The following CD2AP variants were observed in gnomAD, a reference collection of about 807,000 sequenced individuals.
CD2AP encodes CD2 associated protein.
In CD2AP, 46 loss-of-function variants were observed where a neutral mutation model predicts 85.1. That is an observed-to-expected ratio of 0.54 (90% CI 0.43 to 0.69). The LOEUF is 0.69. Ranked by LOEUF, CD2AP falls within the 30% of genes least tolerant of loss-of-function variation. CD2AP has a pLI of 0.00. For synonymous variants in CD2AP, 255 were observed against 252.9 expected (o/e 1.01, Z -0.08); for missense variants, 769 against 729.5 (o/e 1.05, Z -0.62).
chr6:47,570,075 T>G (rs1339592184), intron 5 of CD2AP, among the ~76,000 whole-genome samples: 1 of 152,196 alleles, frequency 6.6e-6, no homozygotes, highest in Non-Finnish European at 1.5e-5. Flanking sequence ...AGAATAATGG[T>G]GAAAGATGAC....
chr6:47,505,011 C>CTTTTTTTTTTTTTT (rs58060161), intron 2 of CD2AP, among the ~76,000 whole-genome samples: 19 of 95,106 alleles, frequency 2.0e-4, no homozygotes, highest in Middle Eastern at 6.5e-3. Flanking sequence ...GTGGCAGTTT[C>CTTTTTTTTTTTTTT]TTTTTTTTTT....
chr6:47,614,808 A>G (rs768396110), intron 17 of CD2AP, among the ~76,000 whole-genome samples: 15 of 152,050 alleles, frequency 9.9e-5, no homozygotes, highest in Admixed American at 3.3e-4. Flanking sequence ...CAGTTAAGCT[A>G]TTTTCATTCT....
Position 47,610,971 on chromosome 6 carries a change from A to ATATATATATATATATATATATT in CD2AP, c.1815-1501_1815-1500insATATATATATATATATATATTT. Among the ~76,000 whole-genome samples the ATATATATATATATATATATATT allele has an allele frequency of 1.5e-3, 169 of 112,808 alleles. 1 individual carries two copies. The highest frequency in any genetic ancestry group is 2.3e-3 in the South Asian group (8 of 3,516). 74.0% of individuals were successfully genotyped at this position (112,808 alleles called of 152,430 possible). A position where few individuals can be genotyped will look rare whatever the true frequency, so the allele number is the denominator to read the frequency against. On this transcript the variant is annotated intron_variant, in intron 16 of 17. Coordinates refer to ENST00000359314, the MANE Select transcript of CD2AP (RefSeq NM_012120.3). ...GATTTATATATATATATATATATGT[A>ATATATATATATATATATATATT]TTTTTTTTTTTTTTTGAATATAAAA...
At chr6:47,583,595 G>T (rs1212824904) in intron 11 of CD2AP, among the ~76,000 whole-genome samples, 1 of 152,108 alleles carries the variant, frequency 6.6e-6, no homozygotes, top group Non-Finnish European at 1.5e-5. Context: ...TCATGGCTTG[G>T]GAGGCATATG....
At chr6:47,531,617 A>G (rs537416008) in intron 2 of CD2AP, among the ~76,000 whole-genome samples, 1 of 151,770 alleles carries the variant, frequency 6.6e-6, no homozygotes, top group East Asian at 2.0e-4. Flanking sequence ...CACAACTCTC[A>G]AATTTTGGAA....
At position 47,626,821 on chromosome 6, in the gene CD2AP, T is replaced by C. The variant is rs1489956729; in HGVS notation, c.*2594T>C. 6.6e-6 allele frequency: 1 copy of C among 152,490 alleles called. No individual in the cohort carries two copies. 9.4% of individuals were successfully genotyped at this position (152,490 alleles called of 1,614,324 possible). ...GTATGAGCAGAATGAGACAATCAGT[T>C]AAATCAGAAATGAGAAGTATTATAA... is the stretch of plus-strand genomic sequence containing the variant. On this transcript the variant is annotated 3_prime_UTR_variant, in exon 18 of 18. Coordinates refer to ENST00000359314, the MANE Select transcript of CD2AP (RefSeq NM_012120.3).
chr6:47,619,243 G>C (rs1251671197), intron 17 of CD2AP, among the ~76,000 whole-genome samples: 1 of 152,104 alleles, frequency 6.6e-6, no homozygotes, highest in Non-Finnish European at 1.5e-5. Context: ...TTCAACTCAA[G>C]TCCCCAAAGT....
rs529881926 is a variant in CD2AP, at chr6:47,567,914, A to G, written c.542-6150A>G. On this transcript the variant is annotated intron_variant, in intron 5 of 17. Transcript: ENST00000359314. ...GTGGCAGTATGGAGAGTGAATTGCAATGTGGGGAGTAGATTGGAGAAGAGA... is the reference window on the plus strand; with the variant it reads ...GTGGCAGTATGGAGAGTGAATTGCAGTGTGGGGAGTAGATTGGAGAAGAGA... 3.9e-4 allele frequency among the ~76,000 whole-genome samples: 60 copies of G among 152,300 alleles called. No individual in the cohort carries two copies. The South Asian group carries it at 0.012, about 30-fold the overall frequency.
rs960295582 is a variant in CD2AP, at chr6:47,509,800, C to T, written c.165+6360C>T. 6.6e-5 allele frequency among the ~76,000 whole-genome samples: 10 copies of T among 152,018 alleles called. No individual in the cohort carries two copies. In the South Asian group the frequency reaches 1.0e-3, roughly 16 times the overall value. On this transcript the variant is annotated intron_variant, in intron 2 of 17. Transcript: ENST00000359314. ...TCTCCACTTTAAAGTGGTATTTTGG[C>T]GGACTACAGTAAGATGGGCTCTAAT...
chr6:47,517,414 A>G (rs965532766), intron 2 of CD2AP, among the ~76,000 whole-genome samples: 1 of 151,880 alleles, frequency 6.6e-6, no homozygotes, highest in Non-Finnish European at 1.5e-5. Context: ...CAGCCTGACA[A>G]ATAGCTGCGA....
chr6:47,516,241 A>C (rs536688334), intron 2 of CD2AP, among the ~76,000 whole-genome samples: 1 of 152,326 alleles, frequency 6.6e-6, no homozygotes, highest in Non-Finnish European at 1.5e-5. Context: ...GCTGCTTTTC[A>C]TGTGGCGGCA....
rs1332075916 is a variant in CD2AP, at chr6:47,478,090, G to A, written c.-155G>A. 2.1e-6 allele frequency: 2 copies of A among 943,296 alleles called. No homozygotes were observed. Among genetic ancestry groups the A allele is most frequent in the East Asian group, 5.3e-5 (2 of 37,886 alleles). The allele number at this position is 943,296 out of a possible 1,614,324, so 58.4% of individuals were successfully genotyped here. A position where few individuals can be genotyped will look rare whatever the true frequency, so the allele number is the denominator to read the frequency against. ...AAGAGACTGGTAGGAGAGCGCCGCGGGCGGATGGAGGCGACTCTTCGCCCC... is the reference window on the plus strand; with the variant it reads ...AAGAGACTGGTAGGAGAGCGCCGCGAGCGGATGGAGGCGACTCTTCGCCCC... On this transcript the variant is annotated 5_prime_UTR_variant, in exon 1 of 18. Transcript: ENST00000359314.
chr6:47,495,944 C>A (rs1332733541), intron 1 of CD2AP, among the ~76,000 whole-genome samples: 1 of 152,094 alleles, frequency 6.6e-6, no homozygotes, highest in African/African-American at 2.4e-5. Context: ...AATTTTAACT[C>A]CCAACTTTGT....
intron 1 of CD2AP, among the ~76,000 whole-genome samples, chr6:47,492,404 G>C (rs138212393): frequency 2.8e-5 from 4 of 144,732 alleles, no homozygotes; most frequent in Admixed American, 7.2e-5. Flanking sequence ...CCAGGCTGGA[G>C]TGCAAATGTG....
chr6:47,603,637 A>G (rs1321571285), intron 13 of CD2AP, among the ~76,000 whole-genome samples: 1 of 152,140 alleles, frequency 6.6e-6, no homozygotes, highest in Non-Finnish European at 1.5e-5. Flanking sequence ...GCAAATAGTT[A>G]TATGCCAAAC....
chr6:47,531,945 T>A (rs1766890151), intron 2 of CD2AP, among the ~76,000 whole-genome samples: 1 of 151,822 alleles, frequency 6.6e-6, no homozygotes, highest in Non-Finnish European at 1.5e-5. Context: ...TGGTGGTGCA[T>A]GCCTGTAGTC....
chr6:47,490,200 C>G (rs975348375), intron 1 of CD2AP, among the ~76,000 whole-genome samples: 2 of 152,158 alleles, frequency 1.3e-5, no homozygotes, highest in Non-Finnish European at 2.9e-5. Context: ...CCAGGCTGGT[C>G]TTAAACTCTT....
intron 5 of CD2AP, among the ~76,000 whole-genome samples, chr6:47,565,398 T>TAAA (rs1767965923): frequency 1.3e-5 from 2 of 152,208 alleles, no homozygotes; most frequent in African/African-American, 4.8e-5. Context: ...AGATTCCACT[T>TAAA]ATTTGCTAAA....
chr6:47,584,525 C>T (rs1768569067), intron 11 of CD2AP, among the ~76,000 whole-genome samples: 1 of 151,964 alleles, frequency 6.6e-6, no homozygotes, highest in East Asian at 1.9e-4. Flanking sequence ...CAAGGCCCTC[C>T]AGTAACTAAC....
Sources: allele counts gnomAD v4.1 joint callset (sites outside exome capture counted in the v4.1 genomes callset), GRCh38; gene constraint gnomAD v4.1.1; transcripts MANE v1.5; gene names NCBI Gene and HGNC (gene_info 2026-07-23, HGNC 2026-07-21).